Variants in RBM10 observed in about 807,000 individuals in gnomAD.
The protein encoded by RBM10 is RNA binding motif protein 10, also known as RNA-binding protein 10.
A neutral mutation model predicts 84.9 loss-of-function variants in RBM10; 1 was observed. The ratio of observed to expected loss-of-function variants is 0.01; its 90% CI spans 0.00 to 0.06. RBM10 has a LOEUF of 0.06. Among genes scored for constraint, RBM10 ranks in the 10% least tolerant of loss-of-function variants. The probability of loss-of-function intolerance (pLI) is 1.00; values close to 1 mark genes in which losing one functional copy is unlikely to be tolerated. For synonymous variants in RBM10, 326 were observed against 344.5 expected (o/e 0.95, Z 0.60); for missense variants, 438 against 839.0 (o/e 0.52, Z 5.90).
chrX:47,173,008 C>T (rs1236443472), intron 4 of RBM10, 120 bp from the exon 5 acceptor site: 23 of 1,167,653 alleles, frequency 2.0e-5, no homozygotes, highest in Non-Finnish European at 2.3e-5. Flanking sequence ...GCGAAAGAGG[C>T]GGAGGAGACT....
chrX:47,170,967 C>A (rs958848815), intron 3 of RBM10, 61 bp from the exon 4 acceptor site: 1 of 1,126,242 alleles, frequency 8.9e-7, no homozygotes, highest in Admixed American at 2.2e-5. Flanking sequence ...CAGCGGCCAG[C>A]TCCTAGGCCT....
chrX:47,145,578 T>A, intron 1 of RBM10, 93 bp downstream of exon 1: 1 of 869,353 alleles, frequency 1.2e-6, no homozygotes, highest in Admixed American at 3.1e-5. Flanking sequence ...TCGGGGGAGA[T>A]GCGCGGAACG....
At chrX:47,147,240 T>A in intron 1 of RBM10, 117 bp from the exon 2 acceptor site, 1 of 760,414 alleles carries the variant, frequency 1.3e-6, no homozygotes, top group Non-Finnish European at 1.9e-6. Context: ...TGCTGGGAGC[T>A]GGAAGACAAT....
chrX:47,157,807 T>C, intron 2 of RBM10: 1 of 353,074 alleles, frequency 2.8e-6, no homozygotes, highest in Non-Finnish European at 4.9e-6. Flanking sequence ...TTGAGATCAG[T>C]CTCACTCAGT....
At chrX:47,170,581 T>C (rs1934572612) in intron 3 of RBM10, among the ~76,000 whole-genome samples, 1 of 112,620 alleles carries the variant, frequency 8.9e-6, no homozygotes. Flanking sequence ...GCTGTTCTTA[T>C]GCCCCCAGCT....
intron 2 of RBM10, chrX:47,158,320 G>C (rs5953004): frequency 0.018 from 2,276 of 125,493 alleles, 50 homozygotes; most frequent in African/African-American, 0.07. Context: ...AAAGGGCTCG[G>C]GGTGCGGGGT....
At chrX:47,158,709 G>GT (rs1233248182) in intron 2 of RBM10, among the ~76,000 whole-genome samples, 2 of 111,799 alleles carry the variant, frequency 1.8e-5, no homozygotes, top group Non-Finnish European at 3.8e-5. Context: ...GCCTGTACAG[G>GT]TTTTTTTACA....
intron 2 of RBM10, among the ~76,000 whole-genome samples, chrX:47,155,688 G>A (rs1460914400): frequency 2.3e-5 from 2 of 87,630 alleles, no homozygotes; most frequent in Admixed American, 1.4e-4. Context: ...AGCCGAGATC[G>A]CCACTGCACT....
intron 2 of RBM10, chrX:47,157,576 G>T: frequency 2.2e-6 from 1 of 448,440 alleles, no homozygotes; most frequent in Non-Finnish European, 4.1e-6. Context: ...GACTTGGAGC[G>T]GTCGAGCAGG....
rs782781791 is a variant in RBM10, at chrX:47,186,477, C to A, written c.2671C>A (p.Gln891Lys). 11 of 1,205,958 alleles carry A rather than the reference C, an allele frequency of 9.1e-6. No homozygotes were observed. The East Asian group carries it at 3.3e-4, about 36-fold the overall frequency. Residue 891 changes from glutamine to lysine, a missense_variant, in exon 24 of 24, where the codon CAA (glutamine) becomes AAA (lysine). By Grantham distance (53) the Gln-to-Lys change is moderately conservative. Transcript: ENST00000377604. Reference protein sequence around the residue: ...KQGIVTPIEAQTRVRGSGLGA... With the variant: ...KQGIVTPIEAKTRVRGSGLGA... ...AGAGCCTGCCTCCCTCACACAGGCCCAAACACGGGTGCGGGGCTCCGGCCT... is the reference window on the plus strand; with the variant it reads ...AGAGCCTGCCTCCCTCACACAGGCCAAAACACGGGTGCGGGGCTCCGGCCT...
intron 3 of RBM10, 46 bp downstream of exon 3, chrX:47,169,544 C>G (rs1556771259): frequency 8.8e-7 from 1 of 1,139,553 alleles, no homozygotes; most frequent in Non-Finnish European, 1.2e-6. Flanking sequence ...GATGGGCTCC[C>G]AAGGGCCCTC....
chrX:47,156,461 G>A lies in RBM10; in HGVS notation c.17+8963G>A, dbSNP rs1933156605. Among the ~76,000 whole-genome samples, 7 of 111,286 alleles carry A rather than the reference G, an allele frequency of 6.3e-5. No homozygotes were observed. The South Asian group carries it at 2.6e-3, about 42-fold the overall frequency. On this transcript the variant is annotated intron_variant, in intron 2 of 23. Coordinates refer to ENST00000377604, the MANE Select transcript of RBM10 (RefSeq NM_005676.5). ...CCTTTTTCCTAACGCTGGACCACTT[G>A]ATGTTCTCTTCCATCTTCCCCCAAC...
chrX:47,175,828 C>T (rs1212170846), intron 6 of RBM10, among the ~76,000 whole-genome samples: 3 of 110,044 alleles, frequency 2.7e-5, no homozygotes, highest in Non-Finnish European at 5.7e-5. Context: ...ACCTCCGAGA[C>T]CCAAAGATCT....
Position 47,157,110 on chromosome X carries a change from C to T in RBM10, c.17+9612C>T, listed in dbSNP as rs142957352. ...GGGGAGTTCCCGGATGACCTCTTTG[C>T]TCGGCTGCTCTTGAACAGACCAGAC... On this transcript the variant is annotated intron_variant, in intron 2 of 23. Transcript: ENST00000377604. 3.4e-4 allele frequency: 86 copies of T among 255,096 alleles called. 1 individual carries two copies. In the East Asian group the frequency reaches 7.7e-3, roughly 23 times the overall value. The allele number at this position is 255,096 out of a possible 1,213,427, so 21.0% of individuals were successfully genotyped here.
At chrX:47,178,177 G>T (rs1392220010) in intron 7 of RBM10, among the ~76,000 whole-genome samples, 2 of 111,301 alleles carry the variant, frequency 1.8e-5, no homozygotes, top group African/African-American at 3.3e-5. Context: ...TGCTTAACCA[G>T]CCCCAGCTCA....
At chrX:47,159,800 C>G (rs1294333549) in intron 2 of RBM10, among the ~76,000 whole-genome samples, 1 of 111,865 alleles carries the variant, frequency 8.9e-6, no homozygotes, top group African/African-American at 3.3e-5. Flanking sequence ...GGACCCTTAC[C>G]TCTCACCATA....
At chrX:47,157,594 C>A in intron 2 of RBM10, 2 of 464,030 alleles carry the variant, frequency 4.3e-6, no homozygotes, top group Non-Finnish European at 8.0e-6. Context: ...AGGGTTCTGA[C>A]GGCAGGGAAG....
At position 47,181,438 on chromosome X, in the gene RBM10, G is replaced by A. The variant is rs373530047; in HGVS notation, c.1435+37G>A. On this transcript the variant is annotated intron_variant, in intron 13 of 23. Transcript: ENST00000377604. ...CATCTCTCTCTGCAGCTGTGGTGGG[G>A]GCCAGCAGGCATAAAGTCCCCGGCC... The A allele has an allele frequency of 5.8e-6, 7 of 1,206,137 alleles. No individual in the cohort carries two copies. The African/African-American group carries it at 8.7e-5, about 15-fold the overall frequency.
intron 2 of RBM10, among the ~76,000 whole-genome samples, chrX:47,156,448 C>G (rs911832397): frequency 1.8e-5 from 2 of 111,179 alleles, no homozygotes; most frequent in East Asian, 5.6e-4. Flanking sequence ...TTTTTCCTAA[C>G]GCTGGACCAC....
Sources: gnomAD v4.1 joint callset for allele counts (sites outside exome capture counted in the v4.1 genomes callset) on GRCh38, gnomAD v4.1.1 for gene constraint, MANE v1.5 for transcripts, NCBI Gene and HGNC (gene_info 2026-07-23, HGNC 2026-07-21) for gene names.